The following CBLIF variants were observed in gnomAD, a reference collection of about 807,000 sequenced individuals.
CBLIF encodes gastric intrinsic factor (vitamin B synthesis).
CBLIF carries 24 observed loss-of-function variants against 44.9 expected under a neutral mutation model. That is an observed-to-expected ratio of 0.53 (90% CI 0.39 to 0.75). The LOEUF (loss-of-function observed/expected upper bound fraction) is 0.75, where lower values mean the gene tolerates loss of function less well. Among genes scored for constraint, CBLIF ranks in the 30% least tolerant of loss-of-function variants. The pLI, the probability that CBLIF is intolerant of heterozygous loss-of-function variation, is 0.00. For synonymous variants in CBLIF, 183 were observed against 190.9 expected (o/e 0.96, Z 0.34); for missense variants, 481 against 513.0 (o/e 0.94, Z 0.60).
chr11:59,843,741 G>T, intron 2 of CBLIF, 138 bp downstream of exon 2: 1 of 724,820 alleles, frequency 1.4e-6, no homozygotes, highest in African/African-American at 1.7e-5. Context: ...TACCTTCCAG[G>T]TATGTAAGGA....
At chr11:59,832,983 T>C (rs1866391156) in intron 7 of CBLIF, among the ~76,000 whole-genome samples, 1 of 152,218 alleles carries the variant, frequency 6.6e-6, no homozygotes, top group African/African-American at 2.4e-5. Context: ...CTGTCCCATG[T>C]ATATGATGGA....
intron 7 of CBLIF, among the ~76,000 whole-genome samples, chr11:59,835,461 G>A (rs1182831900): frequency 1.3e-5 from 2 of 152,064 alleles, no homozygotes; most frequent in African/African-American, 2.4e-5. Flanking sequence ...CACTACGCCC[G>A]GCCTGTTCTG....
rs771335774 is a variant in CBLIF, at chr11:59,845,383, C to T, written c.71G>A (p.Ser24Asn). ...AAAAACATCATACTCACAGCATGAA[C>T]TCTGGGTCTGGGTACTAGTCCCAGC... is the stretch of plus-strand genomic sequence containing the variant. ...ATAGTSTQTQ[S>N]SCSVPSAQEP... is the part of the protein sequence containing the mutation. Residue 24 changes from serine to asparagine, a missense_variant, in exon 1 of 9, where the codon AGT becomes AAT. By Grantham distance (46) the Ser-to-Asn change is conservative. Coordinates refer to ENST00000257248, the MANE Select transcript of CBLIF (RefSeq NM_005142.3). 23 of 1,611,322 alleles carry T rather than the reference C, an allele frequency of 1.4e-5. No homozygotes were observed. The highest frequency in any genetic ancestry group is 1.9e-5 in the Non-Finnish European group (22 of 1,177,628).
chr11:59,843,771 T>C, intron 2 of CBLIF, 108 bp downstream of exon 2: 1 of 838,246 alleles, frequency 1.2e-6, no homozygotes, highest in Non-Finnish European at 2.1e-6. Context: ...GGGTAGTTTA[T>C]TTACAGTCAG....
intron 4 of CBLIF, 38 bp from the exon 5 acceptor site, chr11:59,841,362 C>T (rs1866526713): frequency 2.1e-6 from 3 of 1,395,966 alleles, no homozygotes; most frequent in Non-Finnish European, 3.1e-6. Flanking sequence ...CCATAGTCAC[C>T]ATCACAGCAA....
intron 5 of CBLIF, among the ~76,000 whole-genome samples, chr11:59,837,701 A>T (rs2135090239): frequency 6.6e-6 from 1 of 152,316 alleles, no homozygotes; most frequent in East Asian, 1.9e-4. Flanking sequence ...TAAACGGAGT[A>T]GACCCCTTGT....
chr11:59,835,023 T>C (rs1866434658), intron 7 of CBLIF, among the ~76,000 whole-genome samples: 1 of 152,218 alleles, frequency 6.6e-6, no homozygotes, highest in Admixed American at 6.5e-5. Context: ...TTCAGTCTCC[T>C]GAACCTGGTA....
chr11:59,842,342 C>A (rs1374545724), intron 4 of CBLIF, 101 bp downstream of exon 4: 11 of 1,304,760 alleles, frequency 8.4e-6, no homozygotes, highest in Non-Finnish European at 1.1e-5. Context: ...CTTAGCTCCT[C>A]CTCCATGGGA....
intron 5 of CBLIF, among the ~76,000 whole-genome samples, chr11:59,840,664 T>A (rs1866512592): frequency 6.6e-6 from 1 of 152,184 alleles, no homozygotes; most frequent in Non-Finnish European, 1.5e-5. Flanking sequence ...AACTTTAGGT[T>A]ATTTTCCTTA....
chr11:59,840,377 G>T (rs542484939), intron 5 of CBLIF, among the ~76,000 whole-genome samples: 14 of 152,270 alleles, frequency 9.2e-5, no homozygotes, highest in Admixed American at 3.9e-4. Flanking sequence ...AAACTTCTTA[G>T]TTGGGATTAG....
chr11:59,839,419 A>G (rs1448060390), intron 5 of CBLIF, among the ~76,000 whole-genome samples: 1 of 152,168 alleles, frequency 6.6e-6, no homozygotes, highest in East Asian at 1.9e-4. Flanking sequence ...ATTTTTTTGC[A>G]TACCACATTT....
At chr11:59,841,817 T>C (rs1310778185) in intron 4 of CBLIF, among the ~76,000 whole-genome samples, 1 of 152,078 alleles carries the variant, frequency 6.6e-6, no homozygotes, top group Non-Finnish European at 1.5e-5. Context: ...GAAAAGGTGA[T>C]CATGAATGCG....
At chr11:59,835,292 C>T (rs1014275443) in intron 7 of CBLIF, among the ~76,000 whole-genome samples, 7 of 151,966 alleles carry the variant, frequency 4.6e-5, no homozygotes, top group African/African-American at 1.5e-4. Context: ...ATTACAGGCA[C>T]GTGCCACCAC....
In CBLIF at chr11:59,831,798, T is replaced by TA. The variant is rs769669334; in HGVS notation, c.1074-3dup. 44 of 1,450,546 alleles carry TA rather than the reference T, an allele frequency of 3.0e-5. No individual in the cohort carries two copies. Among genetic ancestry groups the TA allele is most frequent in the South Asian group, 8.0e-5 (7 of 87,762 alleles). The allele number at this position is 1,450,546 out of a possible 1,614,324, so 89.9% of individuals were successfully genotyped here. ...CAAGATGTCATTGTGGTTTCAAATC[T>TA]AAAAAAAAGTTTATATATGATTAAC... On this transcript the variant is annotated splice_polypyrimidine_tract_variant and splice_region_variant and intron_variant, in intron 7 of 8. Coordinates refer to ENST00000257248, the MANE Select transcript of CBLIF (RefSeq NM_005142.3).
At chr11:59,838,933 CCG>C (rs1866488729) in intron 5 of CBLIF, among the ~76,000 whole-genome samples, 1 of 150,202 alleles carries the variant, frequency 6.7e-6, no homozygotes, top group Non-Finnish European at 1.5e-5. Flanking sequence ...ACTGCAACCT[CCG>C]TCTCCCGGGT....
intron 3 of CBLIF, 36 bp from the exon 4 acceptor site, chr11:59,842,619 A>G (rs1256845745): frequency 6.2e-7 from 1 of 1,605,664 alleles, no homozygotes; most frequent in Non-Finnish European, 8.5e-7. Flanking sequence ...TCAGACTCAC[A>G]GTCACCACGA....
At chr11:59,832,605 T>A (rs1349766905) in intron 7 of CBLIF, among the ~76,000 whole-genome samples, 2 of 152,086 alleles carry the variant, frequency 1.3e-5, no homozygotes, top group Non-Finnish European at 2.9e-5. Flanking sequence ...CTTGGCAATA[T>A]AGTGAAACCC....
intron 5 of CBLIF, 173 bp downstream of exon 5, chr11:59,840,970 C>T (rs572285257): frequency 3.0e-6 from 2 of 661,478 alleles, no homozygotes; most frequent in African/African-American, 3.6e-5. Context: ...GAGGAATTAA[C>T]ACTTACCTGC....
rs142491344 is a variant in CBLIF, at chr11:59,835,917, G to A, written c.964C>T (p.Leu322=). 3.0e-5 allele frequency: 49 copies of A among 1,613,862 alleles called. No individual in the cohort carries two copies. In the African/African-American group the frequency reaches 5.7e-4, roughly 19 times the overall value. ...TTGAAGAGCAGCTCAACCCCCCTCA[G>A]CTGGTTATTTATGGTGTATATGACA... The part of the protein sequence containing the change: ...ITVIYTINNQ[L]RGVELLFNET... Residue 322 remains leucine, a synonymous_variant, in exon 7 of 9, where the codon CTG becomes TTG. Transcript: ENST00000257248.
Sources: gnomAD v4.1 joint callset for allele counts (sites outside exome capture counted in the v4.1 genomes callset) on GRCh38, gnomAD v4.1.1 for gene constraint, MANE v1.5 for transcripts, NCBI Gene and HGNC (gene_info 2026-07-23, HGNC 2026-07-21) for gene names.